The following ZNF407 variants were observed in gnomAD, a reference collection of about 807,000 sequenced individuals.
ZNF407 encodes the protein zinc finger protein 407.
ZNF407 carries 17 observed loss-of-function variants against 131.2 expected under a neutral mutation model. That is an observed-to-expected ratio of 0.13 (90% CI 0.09 to 0.19). The LOEUF is 0.19. Ranked by LOEUF, ZNF407 falls within the 10% of genes least tolerant of loss-of-function variation. The probability of loss-of-function intolerance (pLI) is 1.00; values close to 1 mark genes in which losing one functional copy is unlikely to be tolerated. For synonymous variants in ZNF407, 1,156 were observed against 1,062.0 expected (o/e 1.09, Z -1.72); for missense variants, 2,681 against 2,830.6 (o/e 0.95, Z 1.20).
At chr18:75,057,071 G>T (rs777112602) in intron 8 of ZNF407, among the ~76,000 whole-genome samples, 1 of 152,112 alleles carries the variant, frequency 6.6e-6, no homozygotes, top group Non-Finnish European at 1.5e-5. Context: ...TAATCGCATC[G>T]TATTCAAGGT....
At chr18:74,663,782 G>C (rs1436537602) in intron 3 of ZNF407, among the ~76,000 whole-genome samples, 4 of 152,198 alleles carry the variant, frequency 2.6e-5, no homozygotes, top group African/African-American at 4.8e-5. Flanking sequence ...AGAGATTTTA[G>C]AGAGGACCGA....
At chr18:74,908,475 G>C (rs1472807399) in intron 7 of ZNF407, among the ~76,000 whole-genome samples, 5 of 152,012 alleles carry the variant, frequency 3.3e-5, no homozygotes, top group East Asian at 3.8e-4. Context: ...AATGACATCT[G>C]TGTTTCTTAT....
chr18:74,926,597 C>T (rs1352765520), intron 8 of ZNF407, among the ~76,000 whole-genome samples: 2 of 152,110 alleles, frequency 1.3e-5, no homozygotes, highest in East Asian at 3.9e-4. Context: ...GACGTCAGGA[C>T]TTCGAGACCA....
chr18:74,842,610 G>C (rs916132059), intron 4 of ZNF407, among the ~76,000 whole-genome samples: 6 of 151,936 alleles, frequency 3.9e-5, no homozygotes, highest in Non-Finnish European at 8.8e-5. Context: ...ATGTGTGTGT[G>C]TGTGTGTGTG....
intron 8 of ZNF407, among the ~76,000 whole-genome samples, chr18:74,933,453 T>G (rs1050493856): frequency 6.6e-6 from 1 of 152,134 alleles, no homozygotes; most frequent in Admixed American, 6.6e-5. Context: ...TAAGGTGTTG[T>G]AAGATGAAAG....
chr18:74,980,480 A>G (rs1015225772), intron 8 of ZNF407, among the ~76,000 whole-genome samples: 2 of 151,736 alleles, frequency 1.3e-5, no homozygotes, highest in East Asian at 1.9e-4. Context: ...ATTTTTTTGT[A>G]TTTTAATAGA....
At chr18:75,026,112 C>A (rs1161040507) in intron 8 of ZNF407, among the ~76,000 whole-genome samples, 1 of 149,648 alleles carries the variant, frequency 6.7e-6, no homozygotes, top group Non-Finnish European at 1.5e-5. Flanking sequence ...ACAGAAAATG[C>A]GACAATATTC....
At chr18:74,930,786 T>A (rs894423612) in intron 8 of ZNF407, among the ~76,000 whole-genome samples, 1 of 152,206 alleles carries the variant, frequency 6.6e-6, no homozygotes, top group Admixed American at 6.5e-5. Flanking sequence ...TAGAGACATC[T>A]CTTTACTTTT....
intron 8 of ZNF407, among the ~76,000 whole-genome samples, chr18:74,979,220 A>G (rs1275464416): frequency 6.6e-6 from 1 of 152,154 alleles, no homozygotes; most frequent in Non-Finnish European, 1.5e-5. Flanking sequence ...TGGCCCTTAT[A>G]CATTGTGAGC....
At chr18:74,957,645 T>G (rs998201817) in intron 8 of ZNF407, among the ~76,000 whole-genome samples, 3 of 152,218 alleles carry the variant, frequency 2.0e-5, no homozygotes, top group Admixed American at 6.5e-5. Flanking sequence ...TTTTATTCAC[T>G]GAATAATTTC....
intron 1 of ZNF407, among the ~76,000 whole-genome samples, chr18:74,613,308 G>A (rs569380408): frequency 1.3e-5 from 2 of 152,196 alleles, no homozygotes; most frequent in South Asian, 4.1e-4. Flanking sequence ...TCTTAGATCA[G>A]TGTTGCTTCT....
intron 4 of ZNF407, among the ~76,000 whole-genome samples, chr18:74,851,438 C>T (rs1049176342): frequency 6.6e-6 from 1 of 152,166 alleles, no homozygotes; most frequent in Non-Finnish European, 1.5e-5. Flanking sequence ...AGTGGTTACA[C>T]ATTTATGTAT....
At chr18:74,870,878 G>T (rs79865476) in intron 4 of ZNF407, among the ~76,000 whole-genome samples, 2,477 of 152,240 alleles carry the variant, frequency 0.016, 79 homozygotes, top group African/African-American at 0.057. Context: ...TAGAAATATG[G>T]TGAACAGGTT....
intron 3 of ZNF407, among the ~76,000 whole-genome samples, chr18:74,774,690 G>A (rs1288536439): frequency 1.3e-5 from 2 of 152,224 alleles, no homozygotes; most frequent in African/African-American, 4.8e-5. Flanking sequence ...AACGAGGGTA[G>A]TTGTAGATGA....
intron 3 of ZNF407, among the ~76,000 whole-genome samples, chr18:74,692,435 C>G (rs1390584564): frequency 1.3e-5 from 2 of 152,100 alleles, no homozygotes; most frequent in Non-Finnish European, 1.5e-5. Flanking sequence ...CTTCCATGCT[C>G]GTGATCTTGC....
chr18:74,880,445 A>G (rs533648625), intron 5 of ZNF407, among the ~76,000 whole-genome samples: 1 of 152,334 alleles, frequency 6.6e-6, no homozygotes, highest in East Asian at 1.9e-4. Context: ...AAAGCGAGAA[A>G]CATAAACAGC....
intron 2 of ZNF407, among the ~76,000 whole-genome samples, chr18:74,636,990 AT>A (rs1285702886): frequency 6.6e-6 from 1 of 152,234 alleles, no homozygotes; most frequent in Non-Finnish European, 1.5e-5. Flanking sequence ...ATAAAACTGA[AT>A]AAAACTAAGA....
intron 3 of ZNF407, among the ~76,000 whole-genome samples, chr18:74,688,129 C>A (rs1280370690): frequency 6.6e-6 from 1 of 152,098 alleles, no homozygotes; most frequent in Non-Finnish European, 1.5e-5. Flanking sequence ...AGCTTTTCAG[C>A]CTCTATTTTC....
At chr18:74,829,371 C>A (rs2554117) in intron 4 of ZNF407, among the ~76,000 whole-genome samples, 149,457 of 152,308 alleles carry the variant, frequency 0.98, 73,395 homozygotes, top group East Asian at 1. Flanking sequence ...AAAAACCGCC[C>A]ATTTTAATTT....
Sources: allele counts gnomAD v4.1 joint callset (sites outside exome capture counted in the v4.1 genomes callset), GRCh38; gene constraint gnomAD v4.1.1; transcripts MANE v1.5; gene names NCBI Gene and HGNC (gene_info 2026-07-23, HGNC 2026-07-21).